The following CACNB2 variants were observed in gnomAD, a reference collection of about 807,000 sequenced individuals.
CACNB2 encodes the protein voltage-dependent L-type calcium channel subunit beta-2.
In CACNB2, 42 loss-of-function variants were observed where a neutral mutation model predicts 73.3. The ratio of observed to expected loss-of-function variants is 0.57; its 90% confidence interval spans 0.45 to 0.74. The LOEUF is 0.74. Ranked by LOEUF, CACNB2 falls within the 30% of genes least tolerant of loss-of-function variation. The pLI, the probability that CACNB2 is intolerant of heterozygous loss-of-function variation, is 0.00. For missense variants in CACNB2, 940 were observed against 853.0 expected, an observed-to-expected ratio of 1.10 and a Z score of -1.27; for synonymous variants, 348 against 310.3, an observed-to-expected ratio of 1.12 and a Z score of -1.28.
intron 2 of CACNB2, among the ~76,000 whole-genome samples, chr10:18,184,828 C>G (rs906083172): frequency 1.3e-5 from 2 of 152,032 alleles, no homozygotes; most frequent in African/African-American, 4.8e-5. Context: ...CCCATCACCT[C>G]GGTATTAAGC....
chr10:18,478,113 G>A (rs2048532220), intron 3 of CACNB2, among the ~76,000 whole-genome samples: 1 of 152,044 alleles, frequency 6.6e-6, no homozygotes, highest in South Asian at 2.1e-4. Context: ...TATATTTTTA[G>A]TAGAAACGGG....
intron 2 of CACNB2, among the ~76,000 whole-genome samples, chr10:18,367,425 T>C (rs1207140895): frequency 6.6e-6 from 1 of 152,232 alleles, no homozygotes; most frequent in Admixed American, 6.5e-5. Context: ...GTTTACATTC[T>C]TTTTTAAAAA....
chr10:18,494,666 T>C (rs536481525), intron 3 of CACNB2, among the ~76,000 whole-genome samples: 8 of 147,300 alleles, frequency 5.4e-5, no homozygotes, highest in African/African-American at 2.0e-4. Context: ...AAAAGAAACA[T>C]CTGAAAGATG....
chr10:18,349,632 C>T lies in CACNB2; in HGVS notation c.214-52292C>T, dbSNP rs543777353. Reference sequence around the variant, plus strand: ...TTATATAAGGGACCTAGAATAGACTCACAGAGTCTAGAATGGTGGTTTCCA... The same window carrying T: ...TTATATAAGGGACCTAGAATAGACTTACAGAGTCTAGAATGGTGGTTTCCA... On this transcript the variant is annotated intron_variant, in intron 2 of 13. Coordinates refer to ENST00000324631, the MANE Select transcript of CACNB2 (RefSeq NM_201596.3). Among the ~76,000 whole-genome samples the T allele has an allele frequency of 1.3e-4, 20 of 151,666 alleles. 1 individual carries two copies. The highest frequency in any genetic ancestry group is 4.8e-4 in the African/African-American group (20 of 41,328).
At chr10:18,368,818 A>G (rs1179096692) in intron 2 of CACNB2, among the ~76,000 whole-genome samples, 1 of 152,140 alleles carries the variant, frequency 6.6e-6, no homozygotes, top group East Asian at 1.9e-4. Context: ...AATTTCAGAA[A>G]CCATATGCTC....
At chr10:18,484,180 G>A (rs1473843817) in intron 3 of CACNB2, among the ~76,000 whole-genome samples, 3 of 152,176 alleles carry the variant, frequency 2.0e-5, no homozygotes, top group African/African-American at 2.4e-5. Flanking sequence ...GATCACTTGA[G>A]GTCAGGAGTT....
intron 1 of CACNB2, chr10:18,141,149 G>T: frequency 7.4e-7 from 1 of 1,345,294 alleles, no homozygotes; most frequent in Non-Finnish European, 9.8e-7. Context: ...GGCCCTCCTC[G>T]CCCCTTCCCG....
intron 2 of CACNB2, among the ~76,000 whole-genome samples, chr10:18,333,676 C>G (rs1434649289): frequency 6.6e-6 from 1 of 152,174 alleles, no homozygotes; most frequent in South Asian, 2.1e-4. Context: ...GTCTGGCTAA[C>G]ACGTACCATA....
rs545218449 is a variant in CACNB2 at position 18,488,952 on chromosome 10, T to G, written c.334-9403T>G. On this transcript the variant is annotated intron_variant, in intron 3 of 13. Coordinates refer to ENST00000324631, the MANE Select transcript of CACNB2 (RefSeq NM_201596.3). ...CAGCATTTTGGGAGGCCAAGGCGGG[T>G]AGATCACCTGAGGTCAAGAGTTTGA... Among the ~76,000 whole-genome samples the G allele has an allele frequency of 5.4e-3, 804 of 148,874 alleles. 10 individuals carry two copies. The highest frequency in any genetic ancestry group is 0.019 in the African/African-American group (775 of 40,524).
chr10:18,496,151 A>C (rs2049797476), intron 3 of CACNB2, among the ~76,000 whole-genome samples: 1 of 136,422 alleles, frequency 7.3e-6, no homozygotes, highest in African/African-American at 2.8e-5. Flanking sequence ...GTGCCACTGC[A>C]CTCCAGCCTG....
At chr10:18,174,856 T>TA (rs879759957) in intron 2 of CACNB2, among the ~76,000 whole-genome samples, 4 of 151,806 alleles carry the variant, frequency 2.6e-5, no homozygotes, top group Non-Finnish European at 5.9e-5. Flanking sequence ...TTCCCTCAAC[T>TA]AAAAAAAATG....
intron 2 of CACNB2, among the ~76,000 whole-genome samples, chr10:18,345,001 T>C (rs193143190): frequency 2.6e-5 from 4 of 152,358 alleles, no homozygotes. Flanking sequence ...TTTAATCAGA[T>C]CACTGTTTAA....
chr10:18,324,771 G>T (rs2060243835), intron 2 of CACNB2, among the ~76,000 whole-genome samples: 1 of 152,206 alleles, frequency 6.6e-6, no homozygotes, highest in Non-Finnish European at 1.5e-5. Context: ...CAGGAGAATT[G>T]CTTGAACCCA....
At chr10:18,174,743 C>T (rs1446268509) in intron 2 of CACNB2, among the ~76,000 whole-genome samples, 2 of 152,066 alleles carry the variant, frequency 1.3e-5, no homozygotes, top group African/African-American at 4.8e-5. Flanking sequence ...TTCTGTTCTG[C>T]TTGATTCAAG....
chr10:18,464,748 A>C (rs926258416), intron 3 of CACNB2, among the ~76,000 whole-genome samples: 5 of 152,260 alleles, frequency 3.3e-5, no homozygotes, highest in African/African-American at 1.2e-4. Flanking sequence ...CAACGTGTTC[A>C]AAAAGTTAAA....
intron 2 of CACNB2, among the ~76,000 whole-genome samples, chr10:18,296,186 T>C (rs1365439884): frequency 3.9e-5 from 6 of 152,074 alleles, no homozygotes; most frequent in Non-Finnish European, 4.4e-5. Context: ...AATAACAGTT[T>C]CTAAAAATAT....
At chr10:18,514,666 C>G in intron 7 of CACNB2, 1 of 1,029,334 alleles carries the variant, frequency 9.7e-7, no homozygotes. Context: ...TCATGCATTT[C>G]AAACCAACTA....
At chr10:18,340,935 C>G in intron 2 of CACNB2, 1 of 1,614,182 alleles carries the variant, frequency 6.2e-7, no homozygotes, top group South Asian at 1.1e-5. Context: ...GCATGCTTGA[C>G]AGACGCCTTA....
In CACNB2 at chr10:18,344,293, C is replaced by T. The variant is rs111928073; in HGVS notation, c.214-57631C>T. 2.6e-3 allele frequency among the ~76,000 whole-genome samples: 402 copies of T among 151,928 alleles called. 2 individuals are homozygous for T. Among genetic ancestry groups the T allele is most frequent in the African/African-American group, 8.8e-3 (364 of 41,436 alleles). On this transcript the variant is annotated intron_variant, in intron 2 of 13. Coordinates refer to ENST00000324631, the MANE Select transcript of CACNB2 (RefSeq NM_201596.3). ...TTTGATTTTACTTTGCCCCATAAAACGATCAGTTTGTGGAAAGAGTCATTT... is the reference window on the plus strand; with the variant it reads ...TTTGATTTTACTTTGCCCCATAAAATGATCAGTTTGTGGAAAGAGTCATTT...
Sources: gnomAD v4.1 joint callset for allele counts (sites outside exome capture counted in the v4.1 genomes callset) on GRCh38, gnomAD v4.1.1 for gene constraint, MANE v1.5 for transcripts, NCBI Gene and HGNC (gene_info 2026-07-23, HGNC 2026-07-21) for gene names.